The following VPS13C variants were observed in gnomAD, a reference collection of about 807,000 sequenced individuals.
The protein encoded by VPS13C is intermembrane lipid transfer protein VPS13C.
VPS13C carries 358 observed loss-of-function variants against 456.8 expected under a neutral mutation model. The ratio of observed to expected loss-of-function variants is 0.78; its 90% confidence interval spans 0.72 to 0.86. The LOEUF is 0.86. Among genes scored for constraint, VPS13C ranks in the 40% least tolerant of loss-of-function variants. VPS13C has a pLI of 0.00. For synonymous variants in VPS13C, 1,578 were observed against 1,486.7 expected (o/e 1.06, Z -1.41); for missense variants, 4,818 against 4,385.4 (o/e 1.10, Z -2.79).
intron 55 of VPS13C, among the ~76,000 whole-genome samples, chr15:61,921,053 A>G (rs1014871189): frequency 1.1e-4 from 17 of 152,120 alleles, no homozygotes; most frequent in African/African-American, 3.9e-4. Flanking sequence ...TTTTAAACCA[A>G]TAACACCTTC....
Position 61,852,639 on chromosome 15 carries a change from T to G in VPS13C, c.*1818A>C, listed in dbSNP as rs1893708222. The G allele has an allele frequency of 6.6e-6, 1 of 152,156 alleles. No individual in the cohort carries two copies. 9.4% of individuals were successfully genotyped at this position (152,156 alleles called of 1,614,324 possible). On this transcript the variant is annotated 3_prime_UTR_variant, in exon 85 of 85. Coordinates refer to ENST00000644861, the MANE Select transcript of VPS13C (RefSeq NM_020821.3). The stretch of plus-strand genomic sequence containing the variant: ...AGATATCTCAAATTCCTAATTCTGT[T>G]TTAAAAACACAAAACACTAGAACAG...
intron 8 of VPS13C, among the ~76,000 whole-genome samples, chr15:62,020,847 T>A (rs1206022193): frequency 6.6e-6 from 1 of 152,010 alleles, no homozygotes; most frequent in Non-Finnish European, 1.5e-5. Flanking sequence ...TTTTTATGTG[T>A]ATAATCAAAG....
intron 1 of VPS13C, among the ~76,000 whole-genome samples, chr15:62,049,539 T>A (rs2048548348): frequency 6.6e-6 from 1 of 152,250 alleles, no homozygotes; most frequent in Non-Finnish European, 1.5e-5. Flanking sequence ...GGTAGCGTGA[T>A]GTCTCCGGCT....
At chr15:62,044,956 T>C (rs1264807791) in intron 1 of VPS13C, among the ~76,000 whole-genome samples, 4 of 152,158 alleles carry the variant, frequency 2.6e-5, no homozygotes, top group Admixed American at 2.0e-4. Context: ...AATGCAGGCG[T>C]AAATTACTGT....
chr15:61,962,827 C>G lies in VPS13C; in HGVS notation c.3357G>C (p.Gln1119His). ...GGGCAAAAAGTGACTGCTTTCTTGACTGGAGAGAAAGGGAGGAATCCAGTC... is the reference window on the plus strand; with the variant it reads ...GGGCAAAAAGTGACTGCTTTCTTGAGTGGAGAGAAAGGGAGGAATCCAGTC... ...IQGLDSSLSL[Q>H]SRKQSLFARL... Residue 1119 changes from glutamine to histidine, a missense_variant, in exon 33 of 85, where the codon CAG (glutamine) becomes CAC (histidine). Transcript: ENST00000644861. 1.2e-6 allele frequency: 2 copies of G among 1,604,918 alleles called. No homozygotes were observed. The highest frequency in any genetic ancestry group is 1.7e-6 in the Non-Finnish European group (2 of 1,174,414).
chr15:61,905,414 G>C (rs186327162), intron 66 of VPS13C, among the ~76,000 whole-genome samples: 1 of 152,046 alleles, frequency 6.6e-6, no homozygotes, highest in Admixed American at 6.6e-5. Flanking sequence ...TAAATCTTAT[G>C]TTGTAATTTA....
In VPS13C at chr15:61,949,508, G is replaced by C; in HGVS notation, c.4694C>G (p.Ser1565Cys). 6.2e-7 allele frequency: 1 copy of C among 1,613,638 alleles called. No homozygotes were observed. Among genetic ancestry groups the C allele is most frequent in the Non-Finnish European group, 8.5e-7 (1 of 1,179,826 alleles). The change falls in exon 42 of 85, where the codon TCT (serine) becomes TGT (cysteine). Residue 1565 changes from serine to cysteine, a missense_variant. Transcript: ENST00000644861. ...TTTCAGCTCGGATTCCTTCTCAGAA[G>C]AGGAAGGCTCAGAGAATGGAGCAGC... The part of the protein sequence containing the change: ...SSAAPFSEPS[S>C]SEKESELKPL...
At chr15:61,862,291 A>G (rs1342987192) in intron 82 of VPS13C, among the ~76,000 whole-genome samples, 1 of 152,196 alleles carries the variant, frequency 6.6e-6, no homozygotes, top group Admixed American at 6.5e-5. Flanking sequence ...ATTACCTCCT[A>G]AACAACTCCA....
chr15:62,038,203 A>T (rs564993474), intron 3 of VPS13C, among the ~76,000 whole-genome samples: 1 of 152,248 alleles, frequency 6.6e-6, no homozygotes, highest in South Asian at 2.1e-4. Flanking sequence ...CTGAGGAAAA[A>T]CTCATCTGGA....
At chr15:61,990,918 T>TA (rs34452796) in intron 18 of VPS13C, 82 bp downstream of exon 18, 4 of 922,080 alleles carry the variant, frequency 4.3e-6, no homozygotes, top group South Asian at 3.0e-5. Context: ...TTATATTACT[T>TA]AAAAAAATCA....
intron 67 of VPS13C, among the ~76,000 whole-genome samples, chr15:61,887,533 T>G (rs1203820033): frequency 6.6e-6 from 1 of 151,690 alleles, no homozygotes; most frequent in Admixed American, 6.6e-5. Flanking sequence ...CACAAAGAAA[T>G]AAAAAATATC....
At chr15:62,058,938 AAAAC>A (rs1357066314) in intron 1 of VPS13C, among the ~76,000 whole-genome samples, 2 of 145,208 alleles carry the variant, frequency 1.4e-5, no homozygotes, top group African/African-American at 5.7e-5. Flanking sequence ...CCAAAAAAAA[AAAAC>A]AACAACAACA....
chr15:61,893,365 C>T (rs1032442549), intron 66 of VPS13C, among the ~76,000 whole-genome samples: 1 of 151,962 alleles, frequency 6.6e-6, no homozygotes, highest in African/African-American at 2.4e-5. Flanking sequence ...CCCTGCCAAC[C>T]AAGAATATTG....
intron 16 of VPS13C, among the ~76,000 whole-genome samples, chr15:61,992,241 T>C (rs907629480): frequency 6.6e-6 from 1 of 152,206 alleles, no homozygotes; most frequent in Non-Finnish European, 1.5e-5. Context: ...ACTAGGACAG[T>C]GGCAGAAGGA....
At chr15:61,904,491 A>G (rs959240642) in intron 66 of VPS13C, among the ~76,000 whole-genome samples, 16 of 152,058 alleles carry the variant, frequency 1.1e-4, no homozygotes, top group Non-Finnish European at 2.1e-4. Context: ...AAAAAAAAAA[A>G]AAGACAGAGA....
At chr15:62,027,034 T>C (rs2140609048) in intron 6 of VPS13C, among the ~76,000 whole-genome samples, 1 of 152,166 alleles carries the variant, frequency 6.6e-6, no homozygotes, top group East Asian at 1.9e-4. Context: ...AAAATCATTT[T>C]GACTTTTTGA....
chr15:61,944,371 C>G (rs2044534084), intron 45 of VPS13C, among the ~76,000 whole-genome samples: 1 of 152,038 alleles, frequency 6.6e-6, no homozygotes. Context: ...CAGCAAAGAC[C>G]TGGAATCAAA....
In VPS13C at chr15:61,962,409, G is replaced by C. The variant is rs1596388437; in HGVS notation, c.3565C>G (p.Gln1189Glu). 1.9e-6 allele frequency: 3 copies of C among 1,601,496 alleles called. No individual in the cohort carries two copies. In the Admixed American group the frequency reaches 5.0e-5, roughly 27 times the overall value. ...AGGAATTTATGAAGATAGACAATCT[G>C]AATACAGCCAACATTCAGAGACAGC... is the stretch of plus-strand genomic sequence containing the variant. ...GVLSLNVGCI[Q>E]IVYLHKFLMS... Residue 1189 changes from glutamine to glutamate, a missense_variant, in exon 34 of 85, where the codon CAG becomes GAG. By Grantham distance (29) the Gln-to-Glu change is conservative. Coordinates refer to ENST00000644861, the MANE Select transcript of VPS13C (RefSeq NM_020821.3).
intron 50 of VPS13C, 53 bp downstream of exon 50, chr15:61,931,037 G>T (rs2140222736): frequency 2.5e-6 from 4 of 1,598,186 alleles, no homozygotes; most frequent in South Asian, 2.2e-5. Context: ...TGGCAGCCAT[G>T]CAGGTGCAAT....
Sources: allele counts gnomAD v4.1 joint callset (sites outside exome capture counted in the v4.1 genomes callset), GRCh38; gene constraint gnomAD v4.1.1; transcripts MANE v1.5; gene names NCBI Gene and HGNC (gene_info 2026-07-23, HGNC 2026-07-21).